The following ADAMTSL5 variants were observed in gnomAD, a reference collection of about 807,000 sequenced individuals.
ADAMTSL5 encodes ADAMTS-like protein 5.
ADAMTSL5 carries 53 observed loss-of-function variants against 51.7 expected under a neutral mutation model. The ratio of observed to expected loss-of-function variants is 1.03; its 90% CI spans 0.82 to 1.29. The LOEUF is 1.29. ADAMTSL5 is among the 50% of genes most tolerant of loss of function. The pLI, the probability that ADAMTSL5 is intolerant of heterozygous loss-of-function variation, is 0.00. For missense variants in ADAMTSL5, 770 were observed against 676.2 expected, an observed-to-expected ratio of 1.14 and a Z score of -1.54; for synonymous variants, 285 against 278.7, an observed-to-expected ratio of 1.02 and a Z score of -0.23.
intron 8 of ADAMTSL5, 52 bp downstream of exon 8, chr19:1,507,505 A>G: frequency 6.2e-7 from 1 of 1,612,390 alleles, no homozygotes. Context: ...AAACAGGGAC[A>G]ACCGCCCCCG....
At chr19:1,507,664 G>T (rs759899356) in intron 7 of ADAMTSL5, 21 bp from the exon 8 acceptor site, 10 of 1,607,922 alleles carry the variant, frequency 6.2e-6, no homozygotes, top group Admixed American at 5.0e-5. Flanking sequence ...GGGTAGGAGG[G>T]TGTTGGGGTG....
At chr19:1,508,249 AG>A (rs1913066000) in intron 6 of ADAMTSL5, 140 bp from the exon 7 acceptor site, 6 of 896,712 alleles carry the variant, frequency 6.7e-6, no homozygotes, top group Non-Finnish European at 4.3e-6. Flanking sequence ...ACCTGGCGGG[AG>A]GAGGATGGGC....
At chr19:1,507,729 AAGAC>A in intron 7 of ADAMTSL5, 86 bp from the exon 8 acceptor site, 1 of 1,362,008 alleles carries the variant, frequency 7.3e-7, no homozygotes, top group Non-Finnish European at 1.0e-6. Context: ...TACTGCGGGT[AAGAC>A]AGCTAGCCAG....
chr19:1,507,097 C>G (rs1448253780), intron 9 of ADAMTSL5, 145 bp downstream of exon 9: 1 of 1,232,774 alleles, frequency 8.1e-7, no homozygotes, highest in Non-Finnish European at 1.1e-6. Flanking sequence ...ACCCTCCCCC[C>G]TCTGATGCTC....
rs756561015 is a variant in ADAMTSL5, at chr19:1,507,268, G to A, written c.826C>T (p.Pro276Ser). The A allele has an allele frequency of 1.3e-6, 2 of 1,553,898 alleles. No homozygotes were observed. The highest frequency in any genetic ancestry group is 8.7e-7 in the Non-Finnish European group (1 of 1,151,114). ...GPQETLQAAG[P>S]TSHDLLLQVL... ...TGTAGGAGCAGGTCATGGGAGGTGG[G>A]CCCGGCTGCTTGCAATGTCTCCTGG... is the stretch of plus-strand genomic sequence containing the variant. Residue 276 changes from proline to serine, a missense_variant, in exon 9 of 12, where the codon CCC (proline) becomes TCC (serine). By Grantham distance (74) the Pro-to-Ser change is moderately conservative. Transcript: ENST00000330475.
chr19:1,512,554 C>T (rs573988282), intron 1 of ADAMTSL5, among the ~76,000 whole-genome samples: 8 of 152,336 alleles, frequency 5.3e-5, no homozygotes, highest in South Asian at 2.1e-4. Context: ...GTGGTGCACA[C>T]CTGTAATCCC....
chr19:1,507,526 C>G lies in ADAMTSL5; in HGVS notation c.688+31G>C, dbSNP rs752081514. Reference sequence around the variant, plus strand: ...GGACAACCGCCCCCGGGTGCCCAGCCGGGTGCCTCTCGCCTCACATCCTAG... The same window carrying G: ...GGACAACCGCCCCCGGGTGCCCAGCGGGGTGCCTCTCGCCTCACATCCTAG... On this transcript the variant is annotated intron_variant, in intron 8 of 11. Coordinates refer to ENST00000330475, the MANE Select transcript of ADAMTSL5 (RefSeq NM_213604.3). 8 of 1,612,120 alleles carry G rather than the reference C, an allele frequency of 5.0e-6. No individual in the cohort carries two copies. The African/African-American group carries it at 8.1e-5, about 16-fold the overall frequency.
chr19:1,507,133 C>T lies in ADAMTSL5; in HGVS notation c.852+109G>A, dbSNP rs1912977832. ...TGTCCCAGCCTCTCCCCTCTGACCC[C>T]AGACTCCCCCTTCTGGCCCCAGTCA... On this transcript the variant is annotated intron_variant, in intron 9 of 11. Coordinates refer to ENST00000330475, the MANE Select transcript of ADAMTSL5 (RefSeq NM_213604.3). 4.2e-6 allele frequency: 6 copies of T among 1,433,072 alleles called. No homozygotes were observed. In the Admixed American group the frequency reaches 1.5e-4, roughly 36 times the overall value. 88.8% of individuals were successfully genotyped at this position (1,433,072 alleles called of 1,614,324 possible). A position where few individuals can be genotyped will look rare whatever the true frequency, so the allele number is the denominator to read the frequency against.
In ADAMTSL5 at chr19:1,506,324, G is replaced by C. The variant is rs568772804; in HGVS notation, c.1115-8C>G. Reference sequence around the variant, plus strand: ...GCACTCGGGCCTGGAACACTGTTGAGGGGACGTGCTAAGCTGGCTGGCTGC... The same window carrying C: ...GCACTCGGGCCTGGAACACTGTTGACGGGACGTGCTAAGCTGGCTGGCTGC... On this transcript the variant is annotated splice_polypyrimidine_tract_variant and splice_region_variant and intron_variant, in intron 11 of 11. Transcript: ENST00000330475. The surrounding 1 kb of genome is among the most constrained non-coding windows in gnomAD (Gnocchi z 5.6). 219 of 1,544,280 alleles carry C rather than the reference G, an allele frequency of 1.4e-4. 1 individual carries two copies. The South Asian group carries it at 2.3e-3, about 16-fold the overall frequency.
In ADAMTSL5 at chr19:1,511,132, G is replaced by T; in HGVS notation, c.-189C>A. ...AAGAAGACAGGAGACGTGGAGCCCG[G>T]TATGGAGAGGAAGAACTCAGAATGT... On this transcript the variant is annotated 5_prime_UTR_variant, in exon 2 of 12. Transcript: ENST00000330475. The T allele has an allele frequency of 2.4e-6, 1 of 414,530 alleles. No homozygotes were observed. The highest frequency in any genetic ancestry group is 4.2e-6 in the Non-Finnish European group (1 of 238,532). The allele number at this position is 414,530 out of a possible 1,614,324, so 25.7% of individuals were successfully genotyped here.
In ADAMTSL5 at chr19:1,509,666, A is replaced by AAAGGGAAGGAAGGGAAGG. The variant is rs149580059; in HGVS notation, c.361+466_361+483dup. ...GGAGGGAGGAAGGAAGGGAAGGGAG[A>AAAGGGAAGGAAGGGAAGG]AAGGGAAGGAAGGGAAGGAAGAAAG... On this transcript the variant is annotated intron_variant, in intron 5 of 11. Coordinates refer to ENST00000330475, the MANE Select transcript of ADAMTSL5 (RefSeq NM_213604.3). Among the ~76,000 whole-genome samples the AAAGGGAAGGAAGGGAAGG allele has an allele frequency of 3.8e-5, 5 of 131,656 alleles. No homozygotes were observed. In the East Asian group the frequency reaches 7.9e-4, roughly 21 times the overall value. 86.4% of individuals were successfully genotyped at this position (131,656 alleles called of 152,430 possible).
chr19:1,511,805 A>C (rs922335855), intron 1 of ADAMTSL5: 2 of 327,988 alleles, frequency 6.1e-6, no homozygotes, highest in South Asian at 2.3e-5. Flanking sequence ...CCCCGGCCCC[A>C]GGGCTCCCTC....
At chr19:1,508,684 C>A in intron 5 of ADAMTSL5, 114 bp from the exon 6 acceptor site, 1 of 1,376,544 alleles carries the variant, frequency 7.3e-7, no homozygotes, top group Non-Finnish European at 9.5e-7. Flanking sequence ...GAGATTTGGC[C>A]AAAGCCACAC....
intron 5 of ADAMTSL5, among the ~76,000 whole-genome samples, chr19:1,509,206 G>C (rs1416857681): frequency 8.4e-6 from 1 of 119,760 alleles, no homozygotes; most frequent in Non-Finnish European, 1.6e-5. Context: ...AGTGAGCCAA[G>C]ATCATGCCAC....
In ADAMTSL5 at chr19:1,510,937, A is replaced by G; in HGVS notation, c.7T>C (p.Ser3Pro). The G allele has an allele frequency of 7.0e-7, 1 of 1,436,736 alleles. No individual in the cohort carries two copies. The allele number at this position is 1,436,736 out of a possible 1,614,324, so 89.0% of individuals were successfully genotyped here. ...TGGGGCCTGGGGAACAGAGGGGCCG[A>G]GTCCATAGAGCCACCGCCAGAGACA... MD[S>P]APLFPRPHLF... Residue 3 changes from serine to proline, a missense_variant, in exon 2 of 12, where the codon TCG becomes CCG. Transcript: ENST00000330475.
chr19:1,510,318 T>C (rs370862596), intron 4 of ADAMTSL5, 50 bp downstream of exon 4: 2 of 1,613,142 alleles, frequency 1.2e-6, no homozygotes, highest in African/African-American at 2.7e-5. Context: ...GGTGGTGGGC[T>C]TCAGGCAGTC....
intron 5 of ADAMTSL5, among the ~76,000 whole-genome samples, chr19:1,509,663 G>GA (rs1913153797): frequency 5.2e-5 from 7 of 135,388 alleles, no homozygotes; most frequent in East Asian, 4.7e-4. Context: ...GAAGGGAAGG[G>GA]AGAAAGGGAA....
chr19:1,507,091 TC>T (rs1371701849), intron 9 of ADAMTSL5, 150 bp downstream of exon 9: 4 of 367,652 alleles, frequency 1.1e-5, no homozygotes, highest in Admixed American at 1.6e-4. Flanking sequence ...GTCCCCACCC[TC>T]CCCCCTCTGA....
intron 3 of ADAMTSL5, 88 bp downstream of exon 3, chr19:1,510,551 C>A: frequency 1.4e-6 from 2 of 1,477,836 alleles, no homozygotes; most frequent in Non-Finnish European, 1.8e-6. Flanking sequence ...AAGGGCACAG[C>A]ATGTGTGGGC....
Sources: gnomAD v4.1 joint callset for allele counts (sites outside exome capture counted in the v4.1 genomes callset) on GRCh38, gnomAD v4.1.1 for gene constraint, Gnocchi (gnomAD v3.1) non-coding constraint, MANE v1.5 for transcripts, NCBI Gene and HGNC (gene_info 2026-07-23, HGNC 2026-07-21) for gene names.